Variants in CSNK1G1 observed in about 807,000 individuals in gnomAD.
CSNK1G1 encodes the protein casein kinase I isoform gamma-1.
A neutral mutation model predicts 59.6 loss-of-function variants in CSNK1G1; 22 were observed. The ratio of observed to expected loss-of-function variants is 0.37; its 90% CI spans 0.26 to 0.53. CSNK1G1 has a LOEUF of 0.53. CSNK1G1 is among the 20% of genes least tolerant of loss of function. CSNK1G1 has a pLI of 0.89. For synonymous variants in CSNK1G1, 179 were observed against 177.1 expected (o/e 1.01, Z -0.08); for missense variants, 384 against 519.5 (o/e 0.74, Z 2.54).
intron 1 of CSNK1G1, among the ~76,000 whole-genome samples, chr15:64,324,291 G>A (rs1325104766): frequency 6.6e-6 from 1 of 152,152 alleles, no homozygotes; most frequent in African/African-American, 2.4e-5. Context: ...TTTCTGTGAG[G>A]GTATTGCCAA....
intron 2 of CSNK1G1, among the ~76,000 whole-genome samples, chr15:64,294,697 G>A (rs1160790760): frequency 1.3e-5 from 2 of 149,996 alleles, no homozygotes; most frequent in African/African-American, 4.9e-5. Flanking sequence ...GATCACCTGA[G>A]GTCAGGAGTT....
chr15:64,225,508 T>TTGATTCTGAATGGTCCTGGACAGAATCC (rs2082448122), intron 4 of CSNK1G1, among the ~76,000 whole-genome samples: 1 of 152,096 alleles, frequency 6.6e-6, no homozygotes, highest in African/African-American at 2.4e-5. Context: ...GGGCAGAATC[T>TTGATTCTGAATGGTCCTGGACAGAATCC]TGATTCTGAC....
At chr15:64,240,330 T>C (rs1251384023) in intron 4 of CSNK1G1, among the ~76,000 whole-genome samples, 1 of 152,162 alleles carries the variant, frequency 6.6e-6, no homozygotes, top group Non-Finnish European at 1.5e-5. Flanking sequence ...ATGCATATTA[T>C]ATGATTTCTA....
chr15:64,209,506 G>A (rs940637980), intron 6 of CSNK1G1, among the ~76,000 whole-genome samples: 4 of 152,106 alleles, frequency 2.6e-5, no homozygotes, highest in African/African-American at 9.7e-5. Context: ...CTAATGGGAA[G>A]GAGAGGTACC....
intron 4 of CSNK1G1, among the ~76,000 whole-genome samples, chr15:64,226,487 T>C (rs1036705502): frequency 6.6e-6 from 1 of 151,230 alleles, no homozygotes; most frequent in African/African-American, 2.4e-5. Flanking sequence ...ACCCAAGAGG[T>C]GGAGGCTGCA....
intron 5 of CSNK1G1, among the ~76,000 whole-genome samples, chr15:64,215,904 T>G (rs922774603): frequency 1.3e-5 from 2 of 152,148 alleles, no homozygotes; most frequent in Admixed American, 6.5e-5. Flanking sequence ...AAGGGAGAGA[T>G]AGGACATGAC....
chr15:64,181,206 G>A, intron 10 of CSNK1G1: 1 of 1,530,006 alleles, frequency 6.5e-7, no homozygotes, highest in South Asian at 1.2e-5. Context: ...TTTATTTCAG[G>A]TTCACTGCCA....
At chr15:64,347,948 G>T (rs1898068065) in intron 1 of CSNK1G1, among the ~76,000 whole-genome samples, 1 of 151,540 alleles carries the variant, frequency 6.6e-6, no homozygotes, top group African/African-American at 2.4e-5. Flanking sequence ...GGAGGTTTCA[G>T]TGAGCTGATA....
At chr15:64,326,872 G>T (rs1421360296) in intron 1 of CSNK1G1, among the ~76,000 whole-genome samples, 2 of 151,320 alleles carry the variant, frequency 1.3e-5, no homozygotes, top group African/African-American at 2.4e-5. Flanking sequence ...GAAGCGCAAG[G>T]GGTCAGGGAG....
intron 4 of CSNK1G1, among the ~76,000 whole-genome samples, chr15:64,228,753 C>T (rs1012390820): frequency 7.2e-5 from 11 of 152,174 alleles, no homozygotes; most frequent in African/African-American, 2.2e-4. Flanking sequence ...TGGTGGCTCA[C>T]GCCCATAATC....
chr15:64,213,856 A>C (rs752225881), intron 6 of CSNK1G1, 34 bp downstream of exon 6: 6 of 1,365,720 alleles, frequency 4.4e-6, no homozygotes, highest in Non-Finnish European at 1.0e-6. Flanking sequence ...TGTTCTAATG[A>C]CTCGCCCCTT....
Position 64,200,409 on chromosome 15 carries a change from C to T in CSNK1G1, c.1107+2673G>A, listed in dbSNP as rs1022128800. On this transcript the variant is annotated intron_variant, in intron 10 of 11. Transcript: ENST00000303052. This position sits in a 1 kb window ranked among gnomAD's most constrained non-coding sequence, Gnocchi z 4.3. ...TGCCCAGGCTGGGGTGTAATGGTACCATCTCGTCTCACTGCAACCTCCACC... is the reference window on the plus strand; with the variant it reads ...TGCCCAGGCTGGGGTGTAATGGTACTATCTCGTCTCACTGCAACCTCCACC... Among the ~76,000 whole-genome samples the T allele has an allele frequency of 2.6e-5, 4 of 151,914 alleles. No homozygotes were observed. Among genetic ancestry groups the T allele is most frequent in the Non-Finnish European group, 5.9e-5 (4 of 67,984 alleles).
intron 2 of CSNK1G1, among the ~76,000 whole-genome samples, chr15:64,259,665 A>G (rs1350115990): frequency 1.3e-5 from 2 of 152,138 alleles, no homozygotes; most frequent in African/African-American, 2.4e-5. Context: ...AGAATTCTAT[A>G]TATTTTGTCA....
chr15:64,281,010 G>C (rs1262663239), intron 2 of CSNK1G1, among the ~76,000 whole-genome samples: 11 of 151,610 alleles, frequency 7.3e-5, no homozygotes, highest in Admixed American at 7.2e-4. Context: ...CTCCCAAGTA[G>C]CTGGGACTAC....
intron 2 of CSNK1G1, among the ~76,000 whole-genome samples, chr15:64,286,847 T>C (rs1894450232): frequency 6.6e-6 from 1 of 152,154 alleles, no homozygotes; most frequent in East Asian, 1.9e-4. Context: ...TTACCAATGT[T>C]TTTCCTCCTC....
chr15:64,340,525 T>C (rs1043105867), intron 1 of CSNK1G1, among the ~76,000 whole-genome samples: 2 of 152,176 alleles, frequency 1.3e-5, no homozygotes, highest in Admixed American at 6.5e-5. Context: ...AACCTTTTAT[T>C]GTTATATGAT....
chr15:64,211,445 T>A (rs1223778836), intron 6 of CSNK1G1, among the ~76,000 whole-genome samples: 1 of 152,198 alleles, frequency 6.6e-6, no homozygotes, highest in Non-Finnish European at 1.5e-5. Flanking sequence ...CAGGTTAGAT[T>A]TGACCTGAAA....
At chr15:64,302,280 T>C (rs1895394865) in intron 1 of CSNK1G1, among the ~76,000 whole-genome samples, 1 of 152,068 alleles carries the variant, frequency 6.6e-6, no homozygotes, top group Non-Finnish European at 1.5e-5. Flanking sequence ...TTTGTATTTT[T>C]AGTAGAGACG....
chr15:64,300,974 C>A (rs1895298901), intron 1 of CSNK1G1, among the ~76,000 whole-genome samples: 2 of 152,172 alleles, frequency 1.3e-5, no homozygotes, highest in Non-Finnish European at 2.9e-5. Context: ...ATGCTTTCTT[C>A]TAGTAATGTA....
Sources: allele counts gnomAD v4.1 joint callset (sites outside exome capture counted in the v4.1 genomes callset), GRCh38; gene constraint gnomAD v4.1.1; non-coding constraint Gnocchi (gnomAD v3.1); transcripts MANE v1.5; gene names NCBI Gene and HGNC (gene_info 2026-07-23, HGNC 2026-07-21).